The following ITPRID1 variants were observed in gnomAD, a reference collection of about 807,000 sequenced individuals.
ITPRID1 encodes the protein protein ITPRID1.
A neutral mutation model predicts 95.4 loss-of-function variants in ITPRID1; 96 were observed. The ratio of observed to expected loss-of-function variants is 1.01; its 90% CI spans 0.85 to 1.19. The LOEUF (loss-of-function observed/expected upper bound fraction) is 1.19. Among genes scored for constraint, ITPRID1 ranks in the 50% most tolerant of loss-of-function variants. The probability of loss-of-function intolerance (pLI) is 0.00; values close to 1 mark genes in which losing one functional copy is unlikely to be tolerated. For missense variants in ITPRID1, 1,339 were observed against 1,252.9 expected, an observed-to-expected ratio of 1.07 and a Z score of -1.04; for synonymous variants, 510 against 453.6, an observed-to-expected ratio of 1.12 and a Z score of -1.58.
At chr7:31,634,842 A>C (rs532042423) in intron 10 of ITPRID1, among the ~76,000 whole-genome samples, 8 of 152,308 alleles carry the variant, frequency 5.3e-5, no homozygotes, top group African/African-American at 1.2e-4. Context: ...TCAAGGCCCC[A>C]CTGGAGCAGA....
intron 11 of ITPRID1, 64 bp downstream of exon 11, chr7:31,642,322 C>G: frequency 6.4e-6 from 7 of 1,101,544 alleles, no homozygotes; most frequent in Non-Finnish European, 9.1e-6. Flanking sequence ...CCCTATCAAC[C>G]AGGCTGCCAC....
Position 31,641,358 on chromosome 7 carries a change from G to T in ITPRID1, c.1229-818G>T, listed in dbSNP as rs191665860. ...TACCTAATCTCCCAGGACAGACAAGGCTCCTCCCTCTGCTCCTTGTATTCT... is the reference window on the plus strand; with the variant it reads ...TACCTAATCTCCCAGGACAGACAAGTCTCCTCCCTCTGCTCCTTGTATTCT... On this transcript the variant is annotated intron_variant, in intron 10 of 14. Coordinates refer to ENST00000615280, the MANE Select transcript of ITPRID1 (RefSeq NM_001257967.3). Among the ~76,000 whole-genome samples the T allele has an allele frequency of 2.0e-5, 3 of 152,116 alleles. No individual in the cohort carries two copies. In the East Asian group the frequency reaches 5.8e-4, roughly 29 times the overall value.
chr7:31,593,088 T>G (rs1428826529), intron 10 of ITPRID1, among the ~76,000 whole-genome samples: 1 of 152,122 alleles, frequency 6.6e-6, no homozygotes, highest in Non-Finnish European at 1.5e-5. Flanking sequence ...GTCGATCACT[T>G]GAGGTCAGGA....
At chr7:31,578,562 C>A in intron 9 of ITPRID1, 128 bp downstream of exon 9, 1 of 677,946 alleles carries the variant, frequency 1.5e-6, no homozygotes, top group Non-Finnish European at 2.3e-6. Context: ...TGTTCTGAGT[C>A]AGTTTAGTGA....
At chr7:31,605,125 G>A (rs148442408) in intron 10 of ITPRID1, among the ~76,000 whole-genome samples, 4,902 of 130,900 alleles carry the variant, frequency 0.037, 99 homozygotes, top group South Asian at 0.1. Flanking sequence ...GTGACAGAGG[G>A]AGACCCCATC....
At chr7:31,652,491 C>G (rs1310672391) in intron 14 of ITPRID1, 27 bp from the exon 15 acceptor site, 1 of 1,558,610 alleles carries the variant, frequency 6.4e-7, no homozygotes, top group Non-Finnish European at 8.7e-7. Flanking sequence ...GTGCTGTTTA[C>G]TCTTTTTCCT....
chr7:31,543,369 T>C (rs571889606), intron 1 of ITPRID1, among the ~76,000 whole-genome samples: 1 of 152,040 alleles, frequency 6.6e-6, no homozygotes, highest in Non-Finnish European at 1.5e-5. Flanking sequence ...AAAAACCTTT[T>C]CCAGGAAAAC....
intron 1 of ITPRID1, among the ~76,000 whole-genome samples, chr7:31,523,557 G>T (rs1004708276): frequency 1.3e-5 from 2 of 152,160 alleles, no homozygotes; most frequent in Non-Finnish European, 2.9e-5. Context: ...TGGAGGTGGG[G>T]CCTGGTGGGA....
At chr7:31,526,000 TGAAAG>T (rs1783410459) in intron 1 of ITPRID1, among the ~76,000 whole-genome samples, 1 of 152,180 alleles carries the variant, frequency 6.6e-6, no homozygotes, top group Non-Finnish European at 1.5e-5. Flanking sequence ...GTGCATGAAT[TGAAAG>T]GAAGAAAAGC....
intron 9 of ITPRID1, 132 bp from the exon 10 acceptor site, chr7:31,583,002 T>A (rs1239339933): frequency 1.7e-6 from 1 of 578,912 alleles, no homozygotes; most frequent in Non-Finnish European, 3.1e-6. Context: ...TCCCAGCAGA[T>A]TGCAAGTTAT....
intron 1 of ITPRID1, among the ~76,000 whole-genome samples, chr7:31,530,328 T>G (rs1783554763): frequency 6.6e-6 from 1 of 152,212 alleles, no homozygotes; most frequent in African/African-American, 2.4e-5. Flanking sequence ...TCATTTTTAA[T>G]TAATCAGTGA....
chr7:31,517,106 A>T (rs1374089211), intron 1 of ITPRID1, among the ~76,000 whole-genome samples: 2 of 152,204 alleles, frequency 1.3e-5, no homozygotes, highest in Admixed American at 6.5e-5. Context: ...CCATTCCCAG[A>T]GAACAAAGCA....
intron 10 of ITPRID1, among the ~76,000 whole-genome samples, chr7:31,640,819 A>G (rs1789953023): frequency 6.6e-6 from 1 of 152,178 alleles, no homozygotes; most frequent in Non-Finnish European, 1.5e-5. Flanking sequence ...TGGCTAGGTC[A>G]AAAATATGCA....
chr7:31,638,486 TG>T (rs1230088842), intron 10 of ITPRID1, among the ~76,000 whole-genome samples: 1 of 152,218 alleles, frequency 6.6e-6, no homozygotes, highest in Non-Finnish European at 1.5e-5. Context: ...TCTAGGTTTT[TG>T]TTATAAATCC....
chr7:31,595,745 T>C (rs893142117), intron 10 of ITPRID1, among the ~76,000 whole-genome samples: 1 of 151,904 alleles, frequency 6.6e-6, no homozygotes, highest in African/African-American at 2.4e-5. Context: ...TAGACATTAA[T>C]AAAGATAAGT....
At chr7:31,619,628 C>T (rs929696193) in intron 10 of ITPRID1, among the ~76,000 whole-genome samples, 1 of 151,902 alleles carries the variant, frequency 6.6e-6, no homozygotes, top group Non-Finnish European at 1.5e-5. Context: ...GGGGAGGAGC[C>T]AAGATGGCCG....
intron 10 of ITPRID1, among the ~76,000 whole-genome samples, chr7:31,616,352 T>A (rs1438153534): frequency 2.4e-4 from 36 of 152,184 alleles, no homozygotes; most frequent in African/African-American, 8.2e-4. Flanking sequence ...CCTATTGATT[T>A]CAATAATCAG....
chr7:31,528,942 A>G (rs575181620), intron 1 of ITPRID1, among the ~76,000 whole-genome samples: 158 of 152,342 alleles, frequency 1.0e-3, no homozygotes, highest in African/African-American at 3.7e-3. Flanking sequence ...ATTTTTAGGT[A>G]GTGCTTTAGC....
chr7:31,571,035 T>C (rs1583512517), intron 6 of ITPRID1, among the ~76,000 whole-genome samples: 3 of 151,712 alleles, frequency 2.0e-5, no homozygotes, highest in Admixed American at 2.0e-4. Context: ...TTTTTTTTGT[T>C]TGTTTGTTTG....
Sources: gnomAD v4.1 joint callset for allele counts (sites outside exome capture counted in the v4.1 genomes callset) on GRCh38, gnomAD v4.1.1 for gene constraint, MANE v1.5 for transcripts, NCBI Gene and HGNC (gene_info 2026-07-23, HGNC 2026-07-21) for gene names.